The following PRKN variants were observed in gnomAD, a reference collection of about 807,000 sequenced individuals.
PRKN encodes E3 ubiquitin-protein ligase parkin.
Under a neutral mutation model 59.5 loss-of-function variants are expected in PRKN, and 56 were observed. That is an observed-to-expected ratio of 0.94 (90% CI 0.76 to 1.18). PRKN has a LOEUF of 1.18. Ranked by LOEUF, PRKN falls within the 50% of genes most tolerant of loss-of-function variation. The pLI is 0.00. For missense variants in PRKN, 657 were observed against 596.4 expected, an observed-to-expected ratio of 1.10 and a Z score of -1.06; for synonymous variants, 250 against 222.1, an observed-to-expected ratio of 1.13 and a Z score of -1.12.
intron 2 of PRKN, among the ~76,000 whole-genome samples, chr6:162,265,455 C>T (rs1780086813): frequency 6.6e-6 from 1 of 152,240 alleles, no homozygotes; most frequent in Non-Finnish European, 1.5e-5. Context: ...CTTTGGGAGA[C>T]TGGGGTGGGC....
At chr6:162,360,490 T>A (rs188089857) in intron 2 of PRKN, among the ~76,000 whole-genome samples, 166 of 152,308 alleles carry the variant, frequency 1.1e-3, no homozygotes, top group South Asian at 3.1e-3. Flanking sequence ...TTTTTAGATA[T>A]TTCCTATAAA....
intron 3 of PRKN, among the ~76,000 whole-genome samples, chr6:162,235,620 A>T (rs1023533029): frequency 6.6e-6 from 1 of 152,076 alleles, no homozygotes; most frequent in African/African-American, 2.4e-5. Flanking sequence ...AGCCTGGCCA[A>T]CATGGCGAAA....
intron 1 of PRKN, among the ~76,000 whole-genome samples, chr6:162,691,841 C>G (rs1321392065): frequency 2.0e-5 from 3 of 152,170 alleles, no homozygotes; most frequent in African/African-American, 7.2e-5. Flanking sequence ...CTCTCTCTTA[C>G]TGAAGCAGCA....
intron 4 of PRKN, among the ~76,000 whole-genome samples, chr6:162,194,944 G>A (rs1021639290): frequency 5.9e-5 from 9 of 152,134 alleles, no homozygotes; most frequent in Admixed American, 1.3e-4. Flanking sequence ...AGTAAGAAGC[G>A]TCCACAAGGC....
intron 4 of PRKN, among the ~76,000 whole-genome samples, chr6:162,168,613 G>C (rs139907180): frequency 6.7e-5 from 9 of 135,232 alleles, no homozygotes; most frequent in African/African-American, 2.5e-4. Flanking sequence ...CAAAATGAGT[G>C]ACAGAAAAAT....
At position 161,371,066 on chromosome 6, in the gene PRKN, G is replaced by T. The variant is rs1368903122; in HGVS notation, c.1168-10861C>A. 6.6e-6 allele frequency among the ~76,000 whole-genome samples: 1 copy of T among 152,140 alleles called. No individual in the cohort carries two copies. Among genetic ancestry groups the T allele is most frequent in the Non-Finnish European group, 1.5e-5 (1 of 68,030 alleles). ...CTTGAGCTAGTCAACGTTACTGCTT[G>T]GCAACGGGTGTCACCAAAACATGTT... On this transcript the variant is annotated intron_variant, in intron 10 of 11. Coordinates refer to ENST00000366898, the MANE Select transcript of PRKN (RefSeq NM_004562.3). This position sits in a 1 kb window ranked among gnomAD's most constrained non-coding sequence, Gnocchi z 5.5.
intron 2 of PRKN, among the ~76,000 whole-genome samples, chr6:162,333,454 T>C (rs1055727049): frequency 6.6e-6 from 1 of 152,176 alleles, no homozygotes; most frequent in African/African-American, 2.4e-5. Flanking sequence ...TGGTAATTCA[T>C]ATAATATTTC....
At chr6:161,659,052 A>G (rs1015783925) in intron 7 of PRKN, among the ~76,000 whole-genome samples, 2 of 152,222 alleles carry the variant, frequency 1.3e-5, no homozygotes, top group Non-Finnish European at 2.9e-5. Context: ...TAACTGCCCC[A>G]TAACTGCTGG....
chr6:161,634,086 G>T (rs1329608610), intron 7 of PRKN, among the ~76,000 whole-genome samples: 3 of 151,444 alleles, frequency 2.0e-5, no homozygotes, highest in African/African-American at 7.3e-5. Context: ...TCCTAAGACT[G>T]TAAGTGAGTT....
intron 2 of PRKN, among the ~76,000 whole-genome samples, chr6:162,355,097 C>T (rs1784793679): frequency 6.6e-6 from 1 of 151,672 alleles, no homozygotes; most frequent in Admixed American, 6.6e-5. Flanking sequence ...GTTTGAATTT[C>T]TCTTTAAAAA....
At chr6:162,011,434 G>A (rs188225144) in intron 5 of PRKN, among the ~76,000 whole-genome samples, 13,283 of 21,228 alleles carry the variant, frequency 0.63, 4,868 homozygotes, top group African/African-American at 0.82. Context: ...TAATATATAT[G>A]TTATATATTT....
chr6:162,485,442 T>C (rs1440820984), intron 1 of PRKN, among the ~76,000 whole-genome samples: 4 of 152,208 alleles, frequency 2.6e-5, no homozygotes, highest in Non-Finnish European at 5.9e-5. Context: ...TAATGACTTA[T>C]AAAATAGGTA....
At chr6:162,036,982 T>C (rs1262600445) in intron 5 of PRKN, among the ~76,000 whole-genome samples, 2 of 152,046 alleles carry the variant, frequency 1.3e-5, no homozygotes, top group African/African-American at 2.4e-5. Flanking sequence ...ACCTAAATAA[T>C]TGGAAAAATT....
intron 4 of PRKN, among the ~76,000 whole-genome samples, chr6:162,083,208 T>G (rs550185837): frequency 6.6e-6 from 1 of 151,970 alleles, no homozygotes; most frequent in Admixed American, 6.6e-5. Flanking sequence ...ACCCGCCATA[T>G]ACTTTTGAAA....
intron 9 of PRKN, among the ~76,000 whole-genome samples, chr6:161,520,142 A>G (rs1778764469): frequency 6.6e-6 from 1 of 151,908 alleles, no homozygotes; most frequent in Non-Finnish European, 1.5e-5. Flanking sequence ...CTTCGATGAC[A>G]AATGATGGGT....
At chr6:161,858,882 A>T in intron 6 of PRKN, among the ~76,000 whole-genome samples, 1 of 39,924 alleles carries the variant, frequency 2.5e-5, no homozygotes, top group Non-Finnish European at 5.7e-5. Flanking sequence ...TTTTTTTGAG[A>T]CAGAGGCTCG....
chr6:162,659,523 C>G (rs1454990915), intron 1 of PRKN, among the ~76,000 whole-genome samples: 3 of 152,090 alleles, frequency 2.0e-5, no homozygotes. Context: ...TCATCACTGT[C>G]TGGGACATTT....
In PRKN at chr6:162,612,758, A is replaced by C. The variant is rs1482617442; in HGVS notation, c.7+114904T>G. On this transcript the variant is annotated intron_variant, in intron 1 of 11. Coordinates refer to ENST00000366898, the MANE Select transcript of PRKN (RefSeq NM_004562.3). ...CCCCAGAGTTACGCTTTCCAGACGCAGCCCTAAGTGGTGAAAAATCGTGCT... is the reference window on the plus strand; with the variant it reads ...CCCCAGAGTTACGCTTTCCAGACGCCGCCCTAAGTGGTGAAAAATCGTGCT... Among the ~76,000 whole-genome samples the C allele has an allele frequency of 2.0e-5, 3 of 152,128 alleles. 1 individual carries two copies. Among genetic ancestry groups the C allele is most frequent in the Admixed American group, 2.0e-4 (3 of 15,266 alleles).
chr6:161,812,744 G>C (rs1229235924), intron 6 of PRKN, among the ~76,000 whole-genome samples: 1 of 152,140 alleles, frequency 6.6e-6, no homozygotes, highest in Admixed American at 6.5e-5. Context: ...CCAAGTGTTG[G>C]CAAGGATATA....
Sources: gnomAD v4.1 joint callset for allele counts (sites outside exome capture counted in the v4.1 genomes callset) on GRCh38, gnomAD v4.1.1 for gene constraint, Gnocchi (gnomAD v3.1) non-coding constraint, MANE v1.5 for transcripts, NCBI Gene and HGNC (gene_info 2026-07-23, HGNC 2026-07-21) for gene names.